The following CPVL variants were observed in gnomAD, a reference collection of about 807,000 sequenced individuals.
CPVL encodes the protein carboxypeptidase vitellogenic like.
CPVL carries 51 observed loss-of-function variants against 63.7 expected under a neutral mutation model. That is an observed-to-expected ratio of 0.80 (90% confidence interval 0.64 to 1.01). The LOEUF (loss-of-function observed/expected upper bound fraction) is 1.01, where lower values mean the gene tolerates loss of function less well. Ranked by LOEUF, CPVL falls within the 50% of genes least tolerant of loss-of-function variation. The probability of loss-of-function intolerance (pLI) is 0.00; values close to 1 mark genes in which losing one functional copy is unlikely to be tolerated. For missense variants in CPVL, 530 were observed against 573.1 expected (o/e 0.92, Z 0.77); for synonymous variants, 195 against 206.0 (o/e 0.95, Z 0.46).
chr7:29,063,646 C>T (rs1782847177), intron 11 of CPVL, among the ~76,000 whole-genome samples: 1 of 152,184 alleles, frequency 6.6e-6, no homozygotes, highest in African/African-American at 2.4e-5. Context: ...TCTTGGCTCA[C>T]TGCAACCTCT....
chr7:29,092,474 T>C (rs1785915250), intron 6 of CPVL, 149 bp downstream of exon 6: 1 of 605,236 alleles, frequency 1.7e-6, no homozygotes, highest in Non-Finnish European at 2.9e-6. Context: ...CTGCTCTGTG[T>C]GTGTGGATGT....
chr7:29,100,881 AATAAAAC>A (rs1248431879), intron 3 of CPVL, among the ~76,000 whole-genome samples: 2 of 152,206 alleles, frequency 1.3e-5, no homozygotes, highest in Non-Finnish European at 2.9e-5. Context: ...CCTTATCTGT[AATAAAAC>A]ATAAAAGTCA....
At chr7:29,033,388 C>T (rs1348341336) in intron 11 of CPVL, among the ~76,000 whole-genome samples, 8 of 152,152 alleles carry the variant, frequency 5.3e-5, no homozygotes, top group African/African-American at 1.4e-4. Flanking sequence ...CAAGGGCACA[C>T]GCTGGCTACC....
intron 11 of CPVL, among the ~76,000 whole-genome samples, chr7:29,034,853 GAAAAAA>G (rs60558791): frequency 8.1e-6 from 1 of 123,974 alleles, no homozygotes; most frequent in Non-Finnish European, 1.7e-5. Context: ...TTTTATAATG[GAAAAAA>G]AAAAAAAAAA....
chr7:29,080,551 T>C (rs1275565473), intron 7 of CPVL, among the ~76,000 whole-genome samples: 1 of 106,360 alleles, frequency 9.4e-6, no homozygotes, highest in African/African-American at 3.0e-5. Flanking sequence ...GAGTGACACT[T>C]TGTCTCAAAA....
At chr7:29,175,189 T>A (rs968503390) in intron 5 of CPVL, among the ~76,000 whole-genome samples, 15 of 151,840 alleles carry the variant, frequency 9.9e-5, no homozygotes, top group Non-Finnish European at 2.1e-4. Context: ...CTTTTTTTTT[T>A]TTTGAGACGG....
intron 11 of CPVL, among the ~76,000 whole-genome samples, chr7:29,058,050 A>G (rs1790918661): frequency 6.6e-6 from 1 of 152,102 alleles, no homozygotes; most frequent in Admixed American, 6.5e-5. Context: ...ATTTATCCTT[A>G]TCTACAAAAT....
At chr7:29,048,408 C>T (rs1297233435) in intron 11 of CPVL, among the ~76,000 whole-genome samples, 1 of 152,130 alleles carries the variant, frequency 6.6e-6, no homozygotes, top group African/African-American at 2.4e-5. Flanking sequence ...GCAGGAATAG[C>T]TATTCTTATA....
upstream of CPVL, among the ~76,000 whole-genome samples, chr7:29,150,001 T>A (rs1359277604): frequency 6.6e-6 from 1 of 152,258 alleles, no homozygotes; most frequent in African/African-American, 2.4e-5. Context: ...CCTTCTCTTG[T>A]ATTGAGAATA....
upstream of CPVL, chr7:29,146,589 C>A: frequency 6.5e-7 from 1 of 1,550,006 alleles, no homozygotes; most frequent in Non-Finnish European, 8.7e-7. Context: ...CTCACATGAC[C>A]CAGACCCACA....
At chr7:29,179,755 G>A (rs1797830628) in intron 5 of CPVL, among the ~76,000 whole-genome samples, 1 of 152,020 alleles carries the variant, frequency 6.6e-6, no homozygotes, top group South Asian at 2.1e-4. Flanking sequence ...GCAAAACACG[G>A]GTAAGAACTG....
rs1335929587 is a variant in CPVL, at chr7:29,066,355, G to A, written c.865-234C>T. The stretch of plus-strand genomic sequence containing the variant: ...CCCATGGAGCTTTTATTCTGGTGGG[G>A]GACAACAAGCATTTCTAAGTAAATT... On this transcript the variant is annotated intron_variant, in intron 9 of 12. Transcript: ENST00000265394. 2.0e-5 allele frequency among the ~76,000 whole-genome samples: 3 copies of A among 152,130 alleles called. No individual in the cohort carries two copies. The East Asian group carries it at 5.8e-4, about 29-fold the overall frequency.
intron 1 of CPVL, among the ~76,000 whole-genome samples, chr7:29,190,477 T>C (rs1276362345): frequency 9.2e-5 from 14 of 152,224 alleles, no homozygotes; most frequent in Admixed American, 9.2e-4. Flanking sequence ...CACCCTGCAG[T>C]GCTTTCTTGT....
At chr7:29,088,755 T>C (rs1785467459) in intron 6 of CPVL, among the ~76,000 whole-genome samples, 1 of 152,110 alleles carries the variant, frequency 6.6e-6, no homozygotes, top group Non-Finnish European at 1.5e-5. Flanking sequence ...GGCGGGCAGA[T>C]CACGAGGTCA....
intron 7 of CPVL, among the ~76,000 whole-genome samples, chr7:29,079,220 G>C (rs1438813554): frequency 6.6e-6 from 1 of 152,186 alleles, no homozygotes. Flanking sequence ...TATGGAAGGG[G>C]ATGTTTGACT....
In CPVL at chr7:29,027,341, G is replaced by A. The variant is rs182684647; in HGVS notation, c.1320+3236C>T. ...AGGCATAGAAGGAACATACCATAACGTAATAAAGGCCATATACAACAAACA... is the reference window on the plus strand; with the variant it reads ...AGGCATAGAAGGAACATACCATAACATAATAAAGGCCATATACAACAAACA... On this transcript the variant is annotated intron_variant, in intron 12 of 12. Coordinates refer to ENST00000265394, the MANE Select transcript of CPVL (RefSeq NM_031311.5). Among the ~76,000 whole-genome samples, 6 of 152,012 alleles carry A rather than the reference G, an allele frequency of 3.9e-5. No individual in the cohort carries two copies. In the East Asian group the frequency reaches 9.6e-4, roughly 24 times the overall value.
At chr7:29,072,664 C>T (rs1425625323) in intron 7 of CPVL, among the ~76,000 whole-genome samples, 1 of 152,106 alleles carries the variant, frequency 6.6e-6, no homozygotes, top group Non-Finnish European at 1.5e-5. Context: ...CACAAGTGAA[C>T]ATGTAATAAG....
intron 6 of CPVL, among the ~76,000 whole-genome samples, chr7:29,089,619 G>A (rs897213459): frequency 1.3e-5 from 2 of 152,108 alleles, no homozygotes; most frequent in Non-Finnish European, 2.9e-5. Flanking sequence ...ACACCCAGGC[G>A]TTACCACCCC....
intron 5 of CPVL, among the ~76,000 whole-genome samples, chr7:29,163,477 C>A (rs1171263990): frequency 1.3e-5 from 2 of 151,886 alleles, no homozygotes; most frequent in Non-Finnish European, 2.9e-5. Flanking sequence ...AATATGGTAC[C>A]CTGAAAATTG....
Sources: allele counts gnomAD v4.1 joint callset (sites outside exome capture counted in the v4.1 genomes callset), GRCh38; gene constraint gnomAD v4.1.1; transcripts MANE v1.5; gene names NCBI Gene and HGNC (gene_info 2026-07-23, HGNC 2026-07-21).